PLIN3: variants seen among roughly 807,000 people sequenced by gnomAD.
The protein encoded by PLIN3 is perilipin 3.
PLIN3 carries 30 observed loss-of-function variants against 35.9 expected under a neutral mutation model. The observed-to-expected ratio is 0.84, with a 90% CI of 0.62 to 1.13. The LOEUF is 1.13. PLIN3 is among the 50% of genes most tolerant of loss of function. The pLI, the probability that PLIN3 is intolerant of heterozygous loss-of-function variation, is 0.00. For missense variants in PLIN3, 603 were observed against 596.9 expected (o/e 1.01, Z -0.11); for synonymous variants, 261 against 262.5 (o/e 0.99, Z 0.06).
rs772292822 is a variant in PLIN3, at chr19:4,852,000, C to T, written c.634+16G>A. 15 of 1,606,432 alleles carry T rather than the reference C, an allele frequency of 9.3e-6. No homozygotes were observed. Among genetic ancestry groups the T allele is most frequent in the South Asian group, 2.2e-5 (2 of 90,718 alleles). On this transcript the variant is annotated intron_variant, in intron 5 of 7. Coordinates refer to ENST00000221957, the MANE Select transcript of PLIN3 (RefSeq NM_005817.5). ...CCTGGGGAGGGGTCCCAGAGCAGCC[C>T]GCTGGCCACACTTACCCAGTTCGGC...
intron 5 of PLIN3, among the ~76,000 whole-genome samples, chr19:4,848,806 G>A (rs2146202752): frequency 6.6e-6 from 1 of 152,216 alleles, no homozygotes; most frequent in Non-Finnish European, 1.5e-5. Context: ...GGTGGAGGCT[G>A]CAGTGAGCCA....
rs868074798 is a variant in PLIN3 at position 4,859,898 on chromosome 19, T to C, written c.193A>G (p.Lys65Glu). The C allele has an allele frequency of 1.9e-6, 3 of 1,613,884 alleles. No homozygotes were observed. In the East Asian group the frequency reaches 6.7e-5, roughly 36 times the overall value. Residue 65 changes from lysine to glutamate, a missense_variant, in exon 3 of 8, where the codon AAG becomes GAG. Physicochemically the swap from Lys to Glu is moderately conservative, Grantham distance 56. Coordinates refer to ENST00000221957, the MANE Select transcript of PLIN3 (RefSeq NM_005817.5). ...HIKTVCDAAE[K>E]GVRTLTAAAV... Reference sequence around the variant, plus strand: ...GCCGCCGTGAGGGTCCTCACTCCCTTCTCTGCTGCGTCGCAGACAGTCTTG... The same window carrying C: ...GCCGCCGTGAGGGTCCTCACTCCCTCCTCTGCTGCGTCGCAGACAGTCTTG...
At chr19:4,851,584 C>T (rs950006631) in intron 5 of PLIN3, among the ~76,000 whole-genome samples, 32 of 152,114 alleles carry the variant, frequency 2.1e-4, no homozygotes, top group African/African-American at 7.5e-4. Context: ...GCATTGTTGT[C>T]ACAGTTCAGT....
At chr19:4,849,202 G>A (rs1348608394) in intron 5 of PLIN3, among the ~76,000 whole-genome samples, 1 of 152,000 alleles carries the variant, frequency 6.6e-6, no homozygotes, top group African/African-American at 2.4e-5. Context: ...TGAAATCCTG[G>A]ACTCAAGCAA....
intron 1 of PLIN3, among the ~76,000 whole-genome samples, 173 bp from the exon 2 acceptor site, chr19:4,861,584 T>C (rs2030678113): frequency 6.6e-6 from 1 of 152,152 alleles, no homozygotes; most frequent in Admixed American, 6.6e-5. Flanking sequence ...CAATAGCAAG[T>C]GCTGATTCTA....
At position 4,849,587 on chromosome 19, in the gene PLIN3, C is replaced by T. The variant is rs761363599; in HGVS notation, c.635-1697G>A. Among the ~76,000 whole-genome samples the T allele has an allele frequency of 9.2e-5, 14 of 151,986 alleles. No homozygotes were observed. The East Asian group carries it at 1.5e-3, about 17-fold the overall frequency. On this transcript the variant is annotated intron_variant, in intron 5 of 7. Coordinates refer to ENST00000221957, the MANE Select transcript of PLIN3 (RefSeq NM_005817.5). Reference sequence around the variant, plus strand: ...CTGGGATGACAGGTGTGAGCCACCACGCCTGGCCTCATCCCATGTTCGTAG... The same window carrying T: ...CTGGGATGACAGGTGTGAGCCACCATGCCTGGCCTCATCCCATGTTCGTAG...
intron 4 of PLIN3, among the ~76,000 whole-genome samples, chr19:4,853,721 G>C (rs1338054127): frequency 1.3e-5 from 2 of 151,946 alleles, no homozygotes; most frequent in East Asian, 3.9e-4. Flanking sequence ...GCTGAGGCGG[G>C]AGAATCCCTT....
In PLIN3 at chr19:4,867,644, G is replaced by T. The variant is rs569712109; in HGVS notation, c.-53C>A. The T allele has an allele frequency of 6.6e-6, 1 of 152,076 alleles. No homozygotes were observed. The highest frequency in any genetic ancestry group is 1.5e-5 in the Non-Finnish European group (1 of 68,034). The allele number at this position is 152,076 out of a possible 1,614,324, so 9.4% of individuals were successfully genotyped here. ...CGGACGTCCCAGGAACAGCTGCCGC[G>T]ACTTCAAAACCAGCTTGGAAACCGT... On this transcript the variant is annotated 5_prime_UTR_variant, in exon 1 of 8. Transcript: ENST00000221957.
chr19:4,851,389 A>G (rs564699548), intron 5 of PLIN3, among the ~76,000 whole-genome samples: 2 of 152,204 alleles, frequency 1.3e-5, no homozygotes, highest in African/African-American at 4.8e-5. Context: ...GCTTGAACCC[A>G]GGAGGCAGAG....
intron 4 of PLIN3, among the ~76,000 whole-genome samples, chr19:4,856,340 C>T (rs1486611823): frequency 2.0e-5 from 3 of 152,034 alleles, no homozygotes; most frequent in Non-Finnish European, 2.9e-5. Context: ...AGGCAGATCA[C>T]CTGAGGTTGG....
rs535734735 is a variant in PLIN3 at position 4,846,871 on chromosome 19, T to C, written c.834+820A>G. Reference sequence around the variant, plus strand: ...AGAAAATAAATATCTGTTGTTTACATTTCCCAGACAGTACGAATTTTTTTT... The same window carrying C: ...AGAAAATAAATATCTGTTGTTTACACTTCCCAGACAGTACGAATTTTTTTT... On this transcript the variant is annotated intron_variant, in intron 6 of 7. Coordinates refer to ENST00000221957, the MANE Select transcript of PLIN3 (RefSeq NM_005817.5). 3.9e-3 allele frequency among the ~76,000 whole-genome samples: 599 copies of C among 151,736 alleles called. 2 individuals carry two copies. Among genetic ancestry groups the C allele is most frequent in the African/African-American group, 0.014 (574 of 41,336 alleles).
At chr19:4,862,905 T>C (rs2030720550) in intron 1 of PLIN3, among the ~76,000 whole-genome samples, 1 of 152,054 alleles carries the variant, frequency 6.6e-6, no homozygotes, top group Non-Finnish European at 1.5e-5. Context: ...ACGCCTGTAA[T>C]CCCAGCACTT....
intron 4 of PLIN3, 55 bp downstream of exon 4, chr19:4,859,535 C>A (rs2030593349): frequency 3.4e-6 from 5 of 1,478,548 alleles, no homozygotes; most frequent in Non-Finnish European, 3.8e-6. Context: ...CCAGCGCACT[C>A]CACACCCAGG....
At chr19:4,859,536 C>T in intron 4 of PLIN3, 54 bp downstream of exon 4, 2 of 1,482,204 alleles carry the variant, frequency 1.3e-6, no homozygotes, top group Non-Finnish European at 1.9e-6. Flanking sequence ...CAGCGCACTC[C>T]ACACCCAGGT....
intron 4 of PLIN3, among the ~76,000 whole-genome samples, chr19:4,854,703 A>T (rs2030416592): frequency 1.3e-5 from 2 of 152,058 alleles, no homozygotes; most frequent in Non-Finnish European, 2.9e-5. Flanking sequence ...CCGGATTAAA[A>T]TCTAGCTCTG....
intron 7 of PLIN3, among the ~76,000 whole-genome samples, chr19:4,842,644 G>C (rs2029933017): frequency 6.6e-6 from 1 of 151,162 alleles, no homozygotes; most frequent in African/African-American, 2.4e-5. Context: ...GGGAGGTAGG[G>C]TTTTGCCCAG....
chr19:4,858,701 G>GTTTTT (rs1238404775), intron 4 of PLIN3, among the ~76,000 whole-genome samples: 19 of 78,220 alleles, frequency 2.4e-4, no homozygotes, highest in African/African-American at 6.1e-4. Context: ...TGTTTTTTTG[G>GTTTTT]TTTTTTTTTT....
Position 4,839,064 on chromosome 19 carries a change from C to A in PLIN3, c.*128G>T. 1 of 728,566 alleles carries A rather than the reference C, an allele frequency of 1.4e-6. No individual in the cohort carries two copies. Among genetic ancestry groups the A allele is most frequent in the Non-Finnish European group, 2.2e-6 (1 of 456,288 alleles). The allele number at this position is 728,566 out of a possible 1,614,324, so 45.1% of individuals were successfully genotyped here. The stretch of plus-strand genomic sequence containing the variant: ...TGCCCGTTTTGAGAGCCTTAGCTTC[C>A]CAAGTGGACAGCACAGAAGAGCTGG... On this transcript the variant is annotated 3_prime_UTR_variant, in exon 8 of 8. Coordinates refer to ENST00000221957, the MANE Select transcript of PLIN3 (RefSeq NM_005817.5).
At chr19:4,848,937 A>C (rs1370665055) in intron 5 of PLIN3, among the ~76,000 whole-genome samples, 2 of 152,086 alleles carry the variant, frequency 1.3e-5, no homozygotes, top group African/African-American at 4.8e-5. Context: ...ATAAGATTAT[A>C]ATACCATATA....
Sources: allele counts gnomAD v4.1 joint callset (sites outside exome capture counted in the v4.1 genomes callset), GRCh38; gene constraint gnomAD v4.1.1; transcripts MANE v1.5; gene names NCBI Gene and HGNC (gene_info 2026-07-23, HGNC 2026-07-21).